LRRIQ3: variants seen among roughly 807,000 people sequenced by gnomAD.
LRRIQ3 encodes the protein leucine-rich repeat and IQ domain-containing protein 3.
Under a neutral mutation model 59.3 loss-of-function variants are expected in LRRIQ3, and 75 were observed. That is an observed-to-expected ratio of 1.26 (90% confidence interval 1.05 to 1.53). The LOEUF is 1.53. LRRIQ3 is among the 40% of genes most tolerant of loss of function. The pLI is 0.00. For synonymous variants in LRRIQ3, 250 were observed against 231.3 expected (o/e 1.08, Z -0.73); for missense variants, 831 against 710.0 (o/e 1.17, Z -1.94).
chr1:74,047,511 C>A lies in LRRIQ3; in HGVS notation c.998-5578G>T, dbSNP rs554525079. On this transcript the variant is annotated intron_variant, in intron 6 of 7. Transcript: ENST00000354431. ...AATGTATCTGATGGGTTGATGGGTG[C>A]AGCATACCACCATGGCACGTGTATA... Among the ~76,000 whole-genome samples, 8 of 152,030 alleles carry A rather than the reference C, an allele frequency of 5.3e-5. No homozygotes were observed. In the South Asian group the frequency reaches 1.7e-3, roughly 32 times the overall value.
chr1:74,098,930 C>T (rs1418369098), intron 5 of LRRIQ3, among the ~76,000 whole-genome samples: 9 of 151,994 alleles, frequency 5.9e-5, no homozygotes, highest in Admixed American at 2.6e-4. Flanking sequence ...TTTATAGCAC[C>T]AAATGCCCAC....
At chr1:74,056,146 A>AAAAT (rs34325293) in intron 6 of LRRIQ3, among the ~76,000 whole-genome samples, 4,480 of 142,618 alleles carry the variant, frequency 0.031, 115 homozygotes, top group East Asian at 0.076. Context: ...ATCTGTCTCA[A>AAAAT]AAATAAATAA....
chr1:74,124,676 T>G (rs1024519207), intron 4 of LRRIQ3, among the ~76,000 whole-genome samples: 1 of 152,006 alleles, frequency 6.6e-6, no homozygotes, highest in Non-Finnish European at 1.5e-5. Flanking sequence ...TGTAGATATA[T>G]AGATTTGGTT....
chr1:74,103,445 T>C lies in LRRIQ3; in HGVS notation c.867+5949A>G, dbSNP rs74586311. ...AATTTTTAGAGTAGATGTAAGAATG[T>C]CATCACAAAGCTCATTTCTTAGCAT... On this transcript the variant is annotated intron_variant, in intron 5 of 7. Coordinates refer to ENST00000354431, the MANE Select transcript of LRRIQ3 (RefSeq NM_001105659.2). Among the ~76,000 whole-genome samples, 313 of 152,054 alleles carry C rather than the reference T, an allele frequency of 2.1e-3. 5 individuals carry two copies. The East Asian group carries it at 0.026, about 13-fold the overall frequency.
chr1:74,127,228 T>C (rs1646948700), intron 4 of LRRIQ3, among the ~76,000 whole-genome samples: 1 of 151,970 alleles, frequency 6.6e-6, no homozygotes, highest in Non-Finnish European at 1.5e-5. Flanking sequence ...TTTCAGTCCA[T>C]GTGTGTCTTT....
chr1:74,159,701 AG>A lies in LRRIQ3; in HGVS notation c.574-3836del, dbSNP rs747351619. 5.3e-5 allele frequency among the ~76,000 whole-genome samples: 8 copies of A among 152,128 alleles called. No homozygotes were observed. The East Asian group carries it at 7.7e-4, about 15-fold the overall frequency. Reference sequence around the variant, plus strand: ...CCTCACATACCTAGATTATCCACATAGCTGTAATCTCCTGTCAGACATTCTT... The same window carrying A: ...CCTCACATACCTAGATTATCCACATACTGTAATCTCCTGTCAGACATTCTT... On this transcript the variant is annotated intron_variant, in intron 3 of 7. Coordinates refer to ENST00000354431, the MANE Select transcript of LRRIQ3 (RefSeq NM_001105659.2).
At chr1:74,138,866 A>G (rs1261435616) in intron 4 of LRRIQ3, among the ~76,000 whole-genome samples, 1 of 151,518 alleles carries the variant, frequency 6.6e-6, no homozygotes, top group Non-Finnish European at 1.5e-5. Context: ...CCTCTCCAAT[A>G]CAGCCCCCAG....
At chr1:74,044,990 G>T (rs1654157783) in intron 6 of LRRIQ3, among the ~76,000 whole-genome samples, 1 of 152,052 alleles carries the variant, frequency 6.6e-6, no homozygotes. Flanking sequence ...ACCAAAAAAA[G>T]TCCAGGACCA....
intron 4 of LRRIQ3, among the ~76,000 whole-genome samples, chr1:74,119,576 T>C (rs1245343055): frequency 2.0e-5 from 3 of 152,192 alleles, no homozygotes. Flanking sequence ...CTATATGTAA[T>C]GTTTTAACTC....
At chr1:74,141,665 T>A (rs1647259860) in intron 4 of LRRIQ3, among the ~76,000 whole-genome samples, 1 of 151,934 alleles carries the variant, frequency 6.6e-6, no homozygotes, top group Non-Finnish European at 1.5e-5. Flanking sequence ...ATACGTATTT[T>A]GTTTGATAAA....
intron 6 of LRRIQ3, among the ~76,000 whole-genome samples, chr1:74,047,301 A>G (rs1337873729): frequency 6.6e-6 from 1 of 152,112 alleles, no homozygotes; most frequent in African/African-American, 2.4e-5. Context: ...GGGGACATGG[A>G]TGACACTGGA....
chr1:74,030,414 T>G (rs993891907), intron 7 of LRRIQ3, among the ~76,000 whole-genome samples: 3 of 151,926 alleles, frequency 2.0e-5, no homozygotes, highest in African/African-American at 7.3e-5. Flanking sequence ...AAAACAGAGA[T>G]ATAGACCAAT....
rs1238674564 is a variant in LRRIQ3, at chr1:74,154,237, TCTC to T, written c.707+1493_707+1495del. ...GCCTGGGCGACAGAGCGAGACTCCT[TCTC>T]AAAAAAAAAAAAAAAAAAAAAAAAA... is the stretch of plus-strand genomic sequence containing the variant. On this transcript the variant is annotated intron_variant, in intron 4 of 7. Transcript: ENST00000354431. Among the ~76,000 whole-genome samples, 86 of 44,530 alleles carry T rather than the reference TCTC, an allele frequency of 1.9e-3. 1 individual carries two copies. The Middle Eastern group carries it at 0.095, about 49-fold the overall frequency. The allele number at this position is 44,530 out of a possible 152,430, so 29.2% of individuals were successfully genotyped here.
chr1:74,106,167 T>C (rs17524671), intron 5 of LRRIQ3, among the ~76,000 whole-genome samples: 6,031 of 152,136 alleles, frequency 0.04, 150 homozygotes, highest in South Asian at 0.13. Context: ...AAGAAAAAGA[T>C]TAGATCATTA....
intron 4 of LRRIQ3, among the ~76,000 whole-genome samples, chr1:74,126,498 T>C (rs1207281120): frequency 6.6e-6 from 1 of 151,892 alleles, no homozygotes; most frequent in Admixed American, 6.6e-5. Context: ...AGCTATAAAT[T>C]TACCTCTTAG....
intron 6 of LRRIQ3, among the ~76,000 whole-genome samples, chr1:74,057,854 G>A (rs1040321948): frequency 6.6e-6 from 1 of 151,840 alleles, no homozygotes; most frequent in Non-Finnish European, 1.5e-5. Context: ...AAAATACATA[G>A]GGAACTCAAA....
At chr1:74,131,883 C>T (rs915460707) in intron 4 of LRRIQ3, among the ~76,000 whole-genome samples, 5 of 152,042 alleles carry the variant, frequency 3.3e-5, no homozygotes, top group South Asian at 2.1e-4. Context: ...CCAAAGCAAT[C>T]GGGCAGGAGA....
rs998200459 is a variant in LRRIQ3 at position 74,150,740 on chromosome 1, T to C, written c.707+4993A>G. ...GCTGAAATTTGTCTTTCTAAAACTT[T>C]CACTCACTATACCTGATTCTTTTAT... On this transcript the variant is annotated intron_variant, in intron 4 of 7. Coordinates refer to ENST00000354431, the MANE Select transcript of LRRIQ3 (RefSeq NM_001105659.2). 1.1e-4 allele frequency among the ~76,000 whole-genome samples: 17 copies of C among 152,186 alleles called. No homozygotes were observed. In the East Asian group the frequency reaches 2.9e-3, roughly 26 times the overall value.
chr1:74,047,934 G>T (rs1463908650), intron 6 of LRRIQ3, among the ~76,000 whole-genome samples: 2 of 152,166 alleles, frequency 1.3e-5, no homozygotes, highest in Non-Finnish European at 2.9e-5. Context: ...CTCATGAGAA[G>T]AAATATCAGA....
Sources: gnomAD v4.1 joint callset for allele counts (sites outside exome capture counted in the v4.1 genomes callset) on GRCh38, gnomAD v4.1.1 for gene constraint, MANE v1.5 for transcripts, NCBI Gene and HGNC (gene_info 2026-07-23, HGNC 2026-07-21) for gene names.